APP: variants seen among roughly 807,000 people sequenced by gnomAD.
The protein encoded by APP is amyloid beta precursor protein, also known as amyloid-beta precursor protein.
A neutral mutation model predicts 101.4 loss-of-function variants in APP; 31 were observed. The observed-to-expected ratio is 0.31, with a 90% confidence interval of 0.23 to 0.41. The LOEUF is 0.41. Among genes scored for constraint, APP ranks in the 10% least tolerant of loss-of-function variants. The probability of loss-of-function intolerance (pLI) is 1.00; values close to 1 mark genes in which losing one functional copy is unlikely to be tolerated. For missense variants in APP, 839 were observed against 1,003.7 expected (o/e 0.84, Z 2.22); for synonymous variants, 366 against 364.4 (o/e 1.00, Z -0.05).
chr21:26,130,104 A>G (rs1248031262), intron 1 of APP, among the ~76,000 whole-genome samples: 8 of 152,234 alleles, frequency 5.3e-5, no homozygotes, highest in African/African-American at 1.7e-4. Flanking sequence ...GTTGAGCATC[A>G]CACAACAGCT....
chr21:25,961,349 C>T (rs898276530), intron 11 of APP, among the ~76,000 whole-genome samples: 1 of 152,218 alleles, frequency 6.6e-6, no homozygotes, highest in Non-Finnish European at 1.5e-5. Flanking sequence ...GTCATCAGGA[C>T]TTCCTGAGGC....
At chr21:25,965,532 T>A (rs1601050815) in intron 11 of APP, among the ~76,000 whole-genome samples, 1 of 152,336 alleles carries the variant, frequency 6.6e-6, no homozygotes, top group East Asian at 1.9e-4. Flanking sequence ...TATTAGAAAT[T>A]CTGAGTTTTT....
At chr21:26,111,178 CA>C (rs1368305997) in intron 2 of APP, among the ~76,000 whole-genome samples, 1 of 148,390 alleles carries the variant, frequency 6.7e-6, no homozygotes, top group African/African-American at 2.5e-5. Context: ...TTTCTTTTGC[CA>C]AAAAAATAAA....
At chr21:26,060,927 C>T (rs895924164) in intron 3 of APP, among the ~76,000 whole-genome samples, 8 of 152,144 alleles carry the variant, frequency 5.3e-5, no homozygotes, top group Non-Finnish European at 8.8e-5. Flanking sequence ...GCTGACTGCA[C>T]GGGGCCTTAA....
At position 25,897,682 on chromosome 21, in the gene APP, C is replaced by T; in HGVS notation, c.1964-9G>A. The T allele has an allele frequency of 1.3e-6, 2 of 1,599,776 alleles. No individual in the cohort carries two copies. The highest frequency in any genetic ancestry group is 1.7e-6 in the Non-Finnish European group (2 of 1,167,058). On this transcript the variant is annotated splice_polypyrimidine_tract_variant and intron_variant, in intron 15 of 17. Transcript: ENST00000346798. ...ATTTGTCAACCCAGAACCTGTATTA[C>T]ATCATAATTAAAGTATGCAGGACAA...
chr21:25,905,298 T>C (rs1488095358), intron 14 of APP, among the ~76,000 whole-genome samples: 1 of 152,150 alleles, frequency 6.6e-6, no homozygotes, highest in East Asian at 1.9e-4. Context: ...CCAGTCCTGC[T>C]CCTTAGTTTT....
At chr21:25,926,237 G>C (rs746332876) in intron 13 of APP, among the ~76,000 whole-genome samples, 7 of 152,156 alleles carry the variant, frequency 4.6e-5, no homozygotes, top group Non-Finnish European at 8.8e-5. Context: ...TCATTGCTGG[G>C]TTTCCCAGAA....
chr21:25,955,563 C>G, intron 12 of APP, 64 bp downstream of exon 12: 1 of 1,612,260 alleles, frequency 6.2e-7, no homozygotes, highest in Non-Finnish European at 8.5e-7. Flanking sequence ...ATCCTGTCAC[C>G]AACCCAAGAA....
chr21:26,054,777 C>T (rs909836060), intron 3 of APP, among the ~76,000 whole-genome samples: 10 of 151,792 alleles, frequency 6.6e-5, no homozygotes, highest in East Asian at 1.9e-4. Flanking sequence ...ACAACTCCCA[C>T]GGAGCAAGGA....
At chr21:25,894,058 GAACAAAA>G (rs1270124954) in intron 16 of APP, among the ~76,000 whole-genome samples, 1 of 152,144 alleles carries the variant, frequency 6.6e-6, no homozygotes, top group Non-Finnish European at 1.5e-5. Context: ...TCTATAAATG[GAACAAAA>G]CTGGGATGAC....
chr21:26,035,258 C>T (rs1204395640), intron 5 of APP, among the ~76,000 whole-genome samples: 3 of 152,120 alleles, frequency 2.0e-5, no homozygotes, highest in African/African-American at 7.2e-5. Flanking sequence ...CAGAGCAGGA[C>T]CTTGTCTCCA....
intron 3 of APP, among the ~76,000 whole-genome samples, chr21:26,056,967 T>C (rs887428078): frequency 1.3e-5 from 2 of 152,208 alleles, no homozygotes; most frequent in African/African-American, 2.4e-5. Flanking sequence ...GTGCTAAAAG[T>C]ATAATGAAGC....
intron 14 of APP, among the ~76,000 whole-genome samples, chr21:25,910,821 T>C (rs1056830304): frequency 1.3e-5 from 2 of 152,256 alleles, no homozygotes; most frequent in East Asian, 3.8e-4. Flanking sequence ...TATTTATATG[T>C]AGTTCTCTAT....
At chr21:26,074,857 C>T (rs559737865) in intron 3 of APP, among the ~76,000 whole-genome samples, 1 of 152,258 alleles carries the variant, frequency 6.6e-6, no homozygotes, top group South Asian at 2.1e-4. Context: ...GCCTCTGATA[C>T]ACTGACTTTT....
intron 1 of APP, chr21:26,169,369 T>A (rs949760569): frequency 6.6e-6 from 1 of 152,446 alleles, no homozygotes; most frequent in Non-Finnish European, 1.5e-5. Context: ...CTCCCCAGCA[T>A]CCTGTGCCCC....
intron 11 of APP, among the ~76,000 whole-genome samples, chr21:25,962,677 C>T (rs867790316): frequency 6.6e-6 from 1 of 152,164 alleles, no homozygotes; most frequent in South Asian, 2.1e-4. Context: ...GACTTCATAG[C>T]GTGCACAAAC....
At chr21:26,052,342 A>C (rs1028028168) in intron 4 of APP, among the ~76,000 whole-genome samples, 3 of 151,872 alleles carry the variant, frequency 2.0e-5, no homozygotes, top group Non-Finnish European at 4.4e-5. Flanking sequence ...AAGCTGTAAT[A>C]ACAAAAAATG....
chr21:26,085,528 G>A (rs1320909831), intron 3 of APP, among the ~76,000 whole-genome samples: 1 of 152,160 alleles, frequency 6.6e-6, no homozygotes, highest in South Asian at 2.1e-4. Context: ...TACATACGGG[G>A]ATTTACAAGA....
chr21:26,080,343 G>A (rs2061572350), intron 3 of APP, among the ~76,000 whole-genome samples: 1 of 152,106 alleles, frequency 6.6e-6, no homozygotes. Context: ...CTATAGAAAT[G>A]GCTAAGCATG....
Sources: gnomAD v4.1 joint callset for allele counts (sites outside exome capture counted in the v4.1 genomes callset) on GRCh38, gnomAD v4.1.1 for gene constraint, MANE v1.5 for transcripts, NCBI Gene and HGNC (gene_info 2026-07-23, HGNC 2026-07-21) for gene names.